Variants in PTPN20 observed in about 807,000 individuals in gnomAD.
The protein encoded by PTPN20 is tyrosine-protein phosphatase non-receptor type 20.
PTPN20 carries 9 observed loss-of-function variants against 35.0 expected under a neutral mutation model. The ratio of observed to expected loss-of-function variants is 0.26; its 90% CI spans 0.15 to 0.45. The LOEUF is 0.45. Ranked by LOEUF, PTPN20 falls within the 20% of genes least tolerant of loss-of-function variation. The pLI is 1.00. For synonymous variants in PTPN20, 32 were observed against 100.2 expected, an observed-to-expected ratio of 0.32 and a Z score of 4.06; for missense variants, 111 against 312.5, an observed-to-expected ratio of 0.36 and a Z score of 4.86.
At chr10:46,976,021 G>A (rs2053474141) in intron 7 of PTPN20, among the ~76,000 whole-genome samples, 2 of 149,782 alleles carry the variant, frequency 1.3e-5, no homozygotes, top group African/African-American at 4.9e-5. Context: ...ATAGCTCACC[G>A]AAACCTCAAA....
intron 5 of PTPN20, among the ~76,000 whole-genome samples, chr10:46,959,538 T>TA (rs1241738270): frequency 7.5e-5 from 11 of 146,840 alleles, no homozygotes; most frequent in Admixed American, 2.7e-4. Context: ...TTTGCTATTT[T>TA]AAAAAAATAT....
In PTPN20 at chr10:46,953,335, TTTTCTTTCTTTCTTTCTTTCTTTCTTTC is replaced by T. The variant is rs201614690; in HGVS notation, c.340+6696_340+6723del. Among the ~76,000 whole-genome samples the T allele has an allele frequency of 1.2e-4, 14 of 113,452 alleles. 1 individual carries two copies. Among genetic ancestry groups the T allele is most frequent in the African/African-American group, 4.6e-4 (11 of 23,952 alleles). The allele number at this position is 113,452 out of a possible 152,430, so 74.4% of individuals were successfully genotyped here. On this transcript the variant is annotated intron_variant, in intron 5 of 10. Transcript: ENST00000374339. ...TTCCAATGTATATGCCTTTCATTTC[TTTTCTTTCTTTCTTTCTTTCTTTCTTTC>T]TTTCTTTCTTTCTTTCTTTCTTTCT...
chr10:46,953,389 T>C (rs1309294785), intron 5 of PTPN20, among the ~76,000 whole-genome samples: 1 of 141,610 alleles, frequency 7.1e-6, no homozygotes, highest in Non-Finnish European at 1.5e-5. Context: ...CTTTCTTTCT[T>C]TCTTTCTTTT....
chr10:46,928,259 A>G (rs1221032434), intron 1 of PTPN20, among the ~76,000 whole-genome samples: 1 of 152,110 alleles, frequency 6.6e-6, no homozygotes, highest in Non-Finnish European at 1.5e-5. Context: ...CTTGCTGCTC[A>G]TGTCTGTGAT....
intron 2 of PTPN20, among the ~76,000 whole-genome samples, chr10:46,940,278 C>G (rs2043028723): frequency 6.8e-6 from 1 of 147,414 alleles, no homozygotes; most frequent in African/African-American, 2.6e-5. Flanking sequence ...ACACAGAAGA[C>G]TGTATTCTGT....
At chr10:46,951,383 G>A (rs1157389813) in intron 5 of PTPN20, among the ~76,000 whole-genome samples, 39 of 151,772 alleles carry the variant, frequency 2.6e-4, no homozygotes, top group African/African-American at 8.0e-4. Context: ...TTAATTTGTA[G>A]GAACTCTTCA....
At chr10:46,938,001 G>A (rs2042289454) in intron 2 of PTPN20, among the ~76,000 whole-genome samples, 1 of 147,838 alleles carries the variant, frequency 6.8e-6, no homozygotes, top group Non-Finnish European at 1.5e-5. Context: ...ATAGGCTGGA[G>A]TGCAGTGGTG....
Position 46,984,410 on chromosome 10 carries a change from C to A in PTPN20, c.764C>A (p.Thr255Asn), listed in dbSNP as rs1479514259. Reference sequence around the variant, plus strand: ...AATTCAAATGTTATTGCCATGATAACCAGAGAGATAGAAGGTGGAATTATC... The same window carrying A: ...AATTCAAATGTTATTGCCATGATAAACAGAGAGATAGAAGGTGGAATTATC... ...ENNSNVIAMITREIEGGIIKC... is the reference protein window; with the variant it reads ...ENNSNVIAMINREIEGGIIKC... The change falls in exon 8 of 11, where the codon ACC becomes AAC. Residue 255 changes from threonine to asparagine, a missense_variant. By Grantham distance (65) the Thr-to-Asn change is moderately conservative (BLOSUM62 0). Transcript: ENST00000374339. 1 of 1,611,516 alleles carries A rather than the reference C, an allele frequency of 6.2e-7. No homozygotes were observed. Among genetic ancestry groups the A allele is most frequent in the South Asian group, 1.1e-5 (1 of 90,964 alleles).
At chr10:46,999,043 T>C (rs1329336206) in intron 9 of PTPN20, among the ~76,000 whole-genome samples, 5 of 152,098 alleles carry the variant, frequency 3.3e-5, no homozygotes, top group Non-Finnish European at 4.4e-5. Flanking sequence ...CAGTGAAATA[T>C]GATGACACCG....
At chr10:46,955,127 G>A (rs2048086435) in intron 5 of PTPN20, 1 of 150,040 alleles carries the variant, frequency 6.7e-6, no homozygotes, top group Admixed American at 6.6e-5. Context: ...TGGTATCTGT[G>A]GGAGGTCCTG....
At chr10:46,976,859 CTCAT>C (rs1461652282) in intron 7 of PTPN20, among the ~76,000 whole-genome samples, 2 of 144,354 alleles carry the variant, frequency 1.4e-5, no homozygotes, top group African/African-American at 2.5e-5. Flanking sequence ...CTCTCTCTCT[CTCAT>C]TTTTATTCTT....
chr10:46,963,675 T>G (rs2050033268), intron 5 of PTPN20, among the ~76,000 whole-genome samples: 1 of 95,812 alleles, frequency 1.0e-5, no homozygotes, highest in Non-Finnish European at 1.9e-5. Flanking sequence ...TCCTACCTAT[T>G]TCTGAATTAT....
At chr10:46,991,987 A>G (rs1483549375) in intron 9 of PTPN20, among the ~76,000 whole-genome samples, 5 of 152,130 alleles carry the variant, frequency 3.3e-5, no homozygotes, top group Admixed American at 3.3e-4. Context: ...GAGATTGGGA[A>G]AAGTTTTGCG....
chr10:47,002,960 C>A (rs1435070620), downstream of PTPN20, among the ~76,000 whole-genome samples: 1 of 151,948 alleles, frequency 6.6e-6, no homozygotes, highest in Non-Finnish European at 1.5e-5. Flanking sequence ...AAGTCTAAAG[C>A]AAAATACTTT....
downstream of PTPN20, among the ~76,000 whole-genome samples, chr10:47,002,970 T>C (rs2060131690): frequency 6.6e-6 from 1 of 152,186 alleles, no homozygotes; most frequent in Admixed American, 6.5e-5. Flanking sequence ...CAAAATACTT[T>C]TATTTCCTAC....
At chr10:46,925,964 C>T (rs2037218030) in intron 1 of PTPN20, 1 of 983,910 alleles carries the variant, frequency 1.0e-6, no homozygotes, top group African/African-American at 1.8e-5. Flanking sequence ...GACTTCTTTT[C>T]ATTTTCTTAG....
At chr10:46,924,771 GT>G in intron 1 of PTPN20, among the ~76,000 whole-genome samples, 1 of 107,946 alleles carries the variant, frequency 9.3e-6, no homozygotes, top group Non-Finnish European at 1.9e-5. Flanking sequence ...TCTAGTCCTA[GT>G]TTTCCAAGAA....
chr10:46,939,998 C>CT (rs1208636048), intron 2 of PTPN20, among the ~76,000 whole-genome samples: 1 of 152,276 alleles, frequency 6.6e-6, no homozygotes, highest in East Asian at 1.9e-4. Context: ...AAACAGTACT[C>CT]TGAGTGCTCA....
downstream of PTPN20, among the ~76,000 whole-genome samples, chr10:47,003,608 A>G (rs1395082837): frequency 1.3e-5 from 2 of 152,070 alleles, no homozygotes; most frequent in East Asian, 3.9e-4. Flanking sequence ...GCCATATCTG[A>G]CTTCTTGCCT....
Sources: gnomAD v4.1 joint callset for allele counts (sites outside exome capture counted in the v4.1 genomes callset) on GRCh38, gnomAD v4.1.1 for gene constraint, MANE v1.5 for transcripts, NCBI Gene and HGNC (gene_info 2026-07-23, HGNC 2026-07-21) for gene names.